The following ME2 variants were observed in gnomAD, a reference collection of about 807,000 sequenced individuals.
ME2 encodes the protein NAD-dependent malic enzyme, mitochondrial.
A neutral mutation model predicts 73.7 loss-of-function variants in ME2; 60 were observed. The observed-to-expected ratio is 0.81, with a 90% CI of 0.66 to 1.01. ME2 has a LOEUF of 1.01. Among genes scored for constraint, ME2 ranks in the 50% least tolerant of loss-of-function variants. ME2 has a pLI of 0.00. For synonymous variants in ME2, 199 were observed against 236.9 expected, an observed-to-expected ratio of 0.84 and a Z score of 1.47; for missense variants, 594 against 705.5, an observed-to-expected ratio of 0.84 and a Z score of 1.79.
chr18:50,891,600 A>C (rs686709), intron 1 of ME2, among the ~76,000 whole-genome samples: 129,855 of 152,014 alleles, frequency 0.85, 56,324 homozygotes, highest in Non-Finnish European at 0.93. Context: ...ACATGAGTGG[A>C]ATTTTTTAAA....
chr18:50,948,121 G>C lies in ME2; in HGVS notation c.*937G>C, dbSNP rs545149381. 30 of 152,240 alleles carry C rather than the reference G, an allele frequency of 2.0e-4. No individual in the cohort carries two copies. Among genetic ancestry groups the C allele is most frequent in the Middle Eastern group, 6.8e-3 (2 of 294 alleles). 9.4% of individuals were successfully genotyped at this position (152,240 alleles called of 1,614,324 possible). A position where few individuals can be genotyped will look rare whatever the true frequency, so the allele number is the denominator to read the frequency against. ...CCAGAACTGATGCTCTTTATTGCTT[G>C]AGATAATTTTGGAATGTTACTATGA... On this transcript the variant is annotated 3_prime_UTR_variant, in exon 16 of 16. Transcript: ENST00000321341.
intron 1 of ME2, among the ~76,000 whole-genome samples, chr18:50,884,370 A>T (rs1175267145): frequency 6.6e-6 from 1 of 152,086 alleles, no homozygotes; most frequent in Non-Finnish European, 1.5e-5. Context: ...TTATTTTGAG[A>T]CAGAGCCTCA....
chr18:50,900,018 T>C (rs764022949), intron 2 of ME2, among the ~76,000 whole-genome samples: 4 of 152,184 alleles, frequency 2.6e-5, no homozygotes, highest in Admixed American at 2.0e-4. Flanking sequence ...TTGGATTAGA[T>C]AGGAGTTTTG....
chr18:50,902,554 C>T (rs983170863), intron 2 of ME2, among the ~76,000 whole-genome samples: 3 of 152,076 alleles, frequency 2.0e-5, no homozygotes, highest in Non-Finnish European at 2.9e-5. Context: ...TGTGCCACCA[C>T]GCCTGGCTAA....
intron 10 of ME2, among the ~76,000 whole-genome samples, chr18:50,922,220 T>C (rs1326049138): frequency 1.3e-5 from 2 of 152,268 alleles, no homozygotes; most frequent in East Asian, 3.8e-4. Flanking sequence ...TAAAATGTAA[T>C]AGTAGTTATA....
intron 4 of ME2, 71 bp from the exon 5 acceptor site, chr18:50,916,097 A>G (rs1195245771): frequency 1.5e-5 from 15 of 1,030,480 alleles, no homozygotes; most frequent in Non-Finnish European, 1.9e-5. Context: ...ATATCAAAAT[A>G]TTTCAATTAT....
At chr18:50,888,552 C>A (rs752297273) in intron 1 of ME2, among the ~76,000 whole-genome samples, 1 of 151,742 alleles carries the variant, frequency 6.6e-6, no homozygotes, top group African/African-American at 2.4e-5. Context: ...ATGTCCATTT[C>A]TGTTTCTGGG....
intron 2 of ME2, among the ~76,000 whole-genome samples, chr18:50,898,069 A>G (rs550373290): frequency 6.6e-6 from 1 of 152,290 alleles, no homozygotes; most frequent in Admixed American, 6.5e-5. Flanking sequence ...GGAACTTACC[A>G]TGTAAAGAAA....
At chr18:50,903,679 G>C (rs960859079) in intron 2 of ME2, among the ~76,000 whole-genome samples, 1 of 152,110 alleles carries the variant, frequency 6.6e-6, no homozygotes, top group African/African-American at 2.4e-5. Context: ...AAACTCCTGG[G>C]CTCAAGCAAT....
At position 50,949,180 on chromosome 18, in the gene ME2, A is replaced by G. The variant is rs1440782597; in HGVS notation, c.*1996A>G. On this transcript the variant is annotated 3_prime_UTR_variant, in exon 16 of 16. Transcript: ENST00000321341. ...CTGAATATAATTTAATAATTTTAAA[A>G]TGGTCGCAATGGCATTGCCATTTGG... 6.6e-6 allele frequency: 1 copy of G among 152,204 alleles called. No homozygotes were observed. Among genetic ancestry groups the G allele is most frequent in the African/African-American group, 2.4e-5 (1 of 41,448 alleles). 9.4% of individuals were successfully genotyped at this position (152,204 alleles called of 1,614,324 possible).
At chr18:50,923,873 A>G (rs149526181) in intron 10 of ME2, among the ~76,000 whole-genome samples, 4 of 152,298 alleles carry the variant, frequency 2.6e-5, no homozygotes, top group African/African-American at 4.8e-5. Flanking sequence ...TTTGAGAGGA[A>G]CTAGAAAGTT....
chr18:50,905,179 G>C (rs559630227), intron 2 of ME2, among the ~76,000 whole-genome samples: 1 of 152,196 alleles, frequency 6.6e-6, no homozygotes, highest in South Asian at 2.1e-4. Context: ...TAGAGATGGG[G>C]TTTTACCATG....
chr18:50,916,659 A>C (rs1453045577), intron 5 of ME2: 1 of 153,132 alleles, frequency 6.5e-6, no homozygotes, highest in Non-Finnish European at 1.5e-5. Context: ...TAGCAAATAT[A>C]AAAATGTTAA....
chr18:50,891,239 A>G (rs546011045), intron 1 of ME2, among the ~76,000 whole-genome samples: 22 of 152,310 alleles, frequency 1.4e-4, no homozygotes, highest in African/African-American at 5.1e-4. Context: ...CTTATTTCAA[A>G]TAGAGAGAAT....
chr18:50,942,988 GAC>G (rs1917999265), intron 15 of ME2, among the ~76,000 whole-genome samples: 1 of 151,776 alleles, frequency 6.6e-6, no homozygotes, highest in Non-Finnish European at 1.5e-5. Flanking sequence ...TCAATTTAGA[GAC>G]AGAGTCTATG....
In ME2 at chr18:50,879,149, G is replaced by C. The variant is rs1167134934; in HGVS notation, c.-172G>C. 6.6e-6 allele frequency: 1 copy of C among 152,220 alleles called. No homozygotes were observed. Among genetic ancestry groups the C allele is most frequent in the Non-Finnish European group, 1.5e-5 (1 of 68,060 alleles). 9.4% of individuals were successfully genotyped at this position (152,220 alleles called of 1,614,324 possible). Reference sequence around the variant, plus strand: ...GCCGCTCTTCGGGCCGCCTCTGCGTGTGGGGCCGCCCGCGCCAGTGTGAGC... The same window carrying C: ...GCCGCTCTTCGGGCCGCCTCTGCGTCTGGGGCCGCCCGCGCCAGTGTGAGC... On this transcript the variant is annotated 5_prime_UTR_variant, in exon 1 of 16. Coordinates refer to ENST00000321341, the MANE Select transcript of ME2 (RefSeq NM_002396.5).
At chr18:50,930,803 GAACT>G (rs1917675221) in intron 12 of ME2, among the ~76,000 whole-genome samples, 1 of 152,128 alleles carries the variant, frequency 6.6e-6, no homozygotes. Flanking sequence ...CATTAACCAT[GAACT>G]AACCTTAATC....
Position 50,924,222 on chromosome 18 carries a change from G to A in ME2, c.1171+10G>A, listed in dbSNP as rs1367978968. The A allele has an allele frequency of 6.5e-7, 1 of 1,541,404 alleles. No homozygotes were observed. The highest frequency in any genetic ancestry group is 1.2e-5 in the South Asian group (1 of 85,658). ...CCTTCAACTATAATTGGTAGGTAAA[G>A]TTTTTCTGATAAATAATTTTACTCC... is the stretch of plus-strand genomic sequence containing the variant. On this transcript the variant is annotated intron_variant, in intron 11 of 15. Coordinates refer to ENST00000321341, the MANE Select transcript of ME2 (RefSeq NM_002396.5).
chr18:50,884,876 C>T (rs544152225), intron 1 of ME2, among the ~76,000 whole-genome samples: 14 of 151,444 alleles, frequency 9.2e-5, no homozygotes, highest in South Asian at 2.1e-4. Context: ...GTGTCTGAAA[C>T]GGAGTTTCGC....
Sources: allele counts gnomAD v4.1 joint callset (sites outside exome capture counted in the v4.1 genomes callset), GRCh38; gene constraint gnomAD v4.1.1; transcripts MANE v1.5; gene names NCBI Gene and HGNC (gene_info 2026-07-23, HGNC 2026-07-21).